The following LRRC4C variants were observed in gnomAD, a reference collection of about 807,000 sequenced individuals.
LRRC4C encodes leucine-rich repeat-containing protein 4C.
LRRC4C carries 5 observed loss-of-function variants against 33.6 expected under a neutral mutation model. The observed-to-expected ratio is 0.15, with a 90% confidence interval of 0.08 to 0.31. LRRC4C has a LOEUF of 0.31. LRRC4C is among the 10% of genes least tolerant of loss of function. LRRC4C has a pLI of 1.00. For missense variants in LRRC4C, 560 were observed against 796.7 expected (o/e 0.70, Z 3.58); for synonymous variants, 329 against 302.0 (o/e 1.09, Z -0.93).
chr11:41,264,333 G>T (rs12225880), intron 1 of LRRC4C, among the ~76,000 whole-genome samples: 4 of 151,818 alleles, frequency 2.6e-5, no homozygotes, highest in Non-Finnish European at 4.4e-5. Context: ...CTCATGATCC[G>T]CCTGCCTCGG....
chr11:41,306,656 G>A (rs1950513565), intron 1 of LRRC4C, among the ~76,000 whole-genome samples: 1 of 152,188 alleles, frequency 6.6e-6, no homozygotes. Context: ...TGATGGTGAT[G>A]AGTAATATGA....
chr11:41,015,639 G>C (rs1257046492), intron 1 of LRRC4C, among the ~76,000 whole-genome samples: 2 of 152,160 alleles, frequency 1.3e-5, no homozygotes, highest in Non-Finnish European at 2.9e-5. Context: ...ATTTATGTCA[G>C]TGAGGACATG....
intron 1 of LRRC4C, chr11:41,394,968 G>A (rs1200563546): frequency 6.6e-6 from 1 of 151,960 alleles, no homozygotes; most frequent in African/African-American, 2.4e-5. Context: ...CCTCTTCAGA[G>A]AGAATCCTTT....
At chr11:41,370,283 A>C (rs886258430) in intron 1 of LRRC4C, among the ~76,000 whole-genome samples, 1 of 152,156 alleles carries the variant, frequency 6.6e-6, no homozygotes, top group Non-Finnish European at 1.5e-5. Flanking sequence ...ACCTGGGTTT[A>C]AGTGATCCTC....
chr11:40,639,395 TA>T (rs1418591419), intron 3 of LRRC4C, among the ~76,000 whole-genome samples: 1 of 152,168 alleles, frequency 6.6e-6, no homozygotes, highest in Admixed American at 6.5e-5. Flanking sequence ...GAAATGGCTA[TA>T]GGGGCAGTAG....
intron 1 of LRRC4C, among the ~76,000 whole-genome samples, chr11:41,070,973 T>C (rs1220596649): frequency 6.6e-6 from 1 of 152,154 alleles, no homozygotes; most frequent in Non-Finnish European, 1.5e-5. Flanking sequence ...TACAGCACTA[T>C]TTACAATAAC....
chr11:41,442,620 T>G (rs372796235), intron 1 of LRRC4C, among the ~76,000 whole-genome samples: 7 of 151,460 alleles, frequency 4.6e-5, no homozygotes, highest in Non-Finnish European at 7.4e-5. Flanking sequence ...CAGGCGCCCA[T>G]CACCACGCCC....
intron 3 of LRRC4C, among the ~76,000 whole-genome samples, chr11:40,506,245 C>T (rs1019619333): frequency 2.0e-5 from 3 of 152,138 alleles, no homozygotes; most frequent in Admixed American, 2.0e-4. Flanking sequence ...TTACTACATG[C>T]TCTGACTCAC....
intron 3 of LRRC4C, among the ~76,000 whole-genome samples, chr11:40,620,946 A>G (rs1434155219): frequency 6.6e-6 from 1 of 151,676 alleles, no homozygotes. Context: ...GGAAATTTTC[A>G]TTTCCTGTGC....
intron 5 of LRRC4C, among the ~76,000 whole-genome samples, chr11:40,152,231 C>G (rs995301423): frequency 6.6e-6 from 1 of 152,184 alleles, no homozygotes; most frequent in Admixed American, 6.5e-5. Flanking sequence ...CTAACTTTAC[C>G]TGGAGCTCAG....
chr11:40,585,773 T>G (rs1958704393), intron 3 of LRRC4C, among the ~76,000 whole-genome samples: 1 of 139,574 alleles, frequency 7.2e-6, no homozygotes. Context: ...ATTTCCAATT[T>G]CATCCATGTC....
intron 1 of LRRC4C, among the ~76,000 whole-genome samples, chr11:40,957,277 A>G (rs1175333638): frequency 6.6e-6 from 1 of 151,782 alleles, no homozygotes; most frequent in East Asian, 1.9e-4. Context: ...GTCGCTTAGC[A>G]ATTGTAGGTG....
intron 2 of LRRC4C, among the ~76,000 whole-genome samples, chr11:40,863,202 C>A (rs1192843512): frequency 6.6e-6 from 1 of 152,162 alleles, no homozygotes; most frequent in African/African-American, 2.4e-5. Context: ...GGTCCAACAA[C>A]AAAGCACAGA....
intron 1 of LRRC4C, among the ~76,000 whole-genome samples, chr11:41,015,361 C>A (rs1855505908): frequency 6.6e-6 from 1 of 152,036 alleles, no homozygotes; most frequent in Non-Finnish European, 1.5e-5. Flanking sequence ...CAGGGTCTTG[C>A]TCTGTTGCCC....
At chr11:41,348,683 C>A (rs183808923) in intron 1 of LRRC4C, among the ~76,000 whole-genome samples, 51 of 152,024 alleles carry the variant, frequency 3.4e-4, no homozygotes, top group African/African-American at 1.2e-3. Flanking sequence ...GGAGGCAGAG[C>A]CTGAGCTAAA....
At chr11:40,281,283 TA>T (rs1447405635) in intron 4 of LRRC4C, among the ~76,000 whole-genome samples, 3 of 152,190 alleles carry the variant, frequency 2.0e-5, no homozygotes, top group Non-Finnish European at 4.4e-5. Flanking sequence ...CGGAGTCCTC[TA>T]GATCCCTCCC....
At chr11:40,244,129 C>G (rs1866147461) in intron 4 of LRRC4C, among the ~76,000 whole-genome samples, 2 of 152,098 alleles carry the variant, frequency 1.3e-5, no homozygotes, top group African/African-American at 2.4e-5. Context: ...TGGAGATGCA[C>G]AAACAAGAAA....
At chr11:40,872,432 T>G (rs1162999784) in intron 2 of LRRC4C, among the ~76,000 whole-genome samples, 1 of 152,198 alleles carries the variant, frequency 6.6e-6, no homozygotes, top group South Asian at 2.1e-4. Context: ...AATTCACTTA[T>G]GGCAAGAATT....
chr11:40,826,381 G>T (rs1395282256), intron 2 of LRRC4C, among the ~76,000 whole-genome samples: 2 of 151,878 alleles, frequency 1.3e-5, no homozygotes, highest in African/African-American at 4.8e-5. Context: ...CAATTACTGT[G>T]AATAGAGTCC....
Sources: allele counts gnomAD v4.1 joint callset (sites outside exome capture counted in the v4.1 genomes callset), GRCh38; gene constraint gnomAD v4.1.1; transcripts MANE v1.5; gene names NCBI Gene and HGNC (gene_info 2026-07-23, HGNC 2026-07-21).